Variants in SLCO5A1 observed in about 807,000 individuals in gnomAD.
SLCO5A1 encodes solute carrier organic anion transporter family member 5A1, also known as organic anion transporter polypeptide-related protein 4.
A neutral mutation model predicts 65.1 loss-of-function variants in SLCO5A1; 39 were observed. The observed-to-expected ratio is 0.60, with a 90% CI of 0.46 to 0.78. The LOEUF (loss-of-function observed/expected upper bound fraction) is 0.78, where lower values mean the gene tolerates loss of function less well. Ranked by LOEUF, SLCO5A1 falls within the 30% of genes least tolerant of loss-of-function variation. The pLI, the probability that SLCO5A1 is intolerant of heterozygous loss-of-function variation, is 0.00. For synonymous variants in SLCO5A1, 438 were observed against 415.7 expected (o/e 1.05, Z -0.65); for missense variants, 1,029 against 1,069.4 (o/e 0.96, Z 0.53).
rs2130784368 is a variant in SLCO5A1, at chr8:69,676,468, AG to A, written c.2089+140del. 4 of 553,662 alleles carry A rather than the reference AG, an allele frequency of 7.2e-6. No individual in the cohort carries two copies. The East Asian group carries it at 1.3e-4, about 18-fold the overall frequency. The allele number at this position is 553,662 out of a possible 1,614,324, so 34.3% of individuals were successfully genotyped here. On this transcript the variant is annotated intron_variant, in intron 9 of 9. Coordinates refer to ENST00000260126, the MANE Select transcript of SLCO5A1 (RefSeq NM_030958.3). The stretch of plus-strand genomic sequence containing the variant: ...AGCTTCTAGTTCAAATCAGAAAACA[AG>A]GAAGTTGTACCCTCACCACTAGCCT...
chr8:69,780,155 A>ATGTTGGCAAG (rs1818732796), intron 2 of SLCO5A1, among the ~76,000 whole-genome samples: 1 of 152,220 alleles, frequency 6.6e-6, no homozygotes, highest in Non-Finnish European at 1.5e-5. Flanking sequence ...AAAATAACAG[A>ATGTTGGCAAG]TGTTGGCAAG....
chr8:69,788,419 T>C (rs1819129375), intron 2 of SLCO5A1, among the ~76,000 whole-genome samples: 1 of 152,218 alleles, frequency 6.6e-6, no homozygotes, highest in Non-Finnish European at 1.5e-5. Context: ...ACAGTCTCCA[T>C]ATGCAGCTCA....
At chr8:69,792,337 G>C (rs1190328787) in intron 2 of SLCO5A1, among the ~76,000 whole-genome samples, 1 of 152,144 alleles carries the variant, frequency 6.6e-6, no homozygotes, top group Admixed American at 6.5e-5. Context: ...AAGGGGGCAG[G>C]AGGGCAAAAG....
At chr8:69,815,205 C>T (rs1820354898) in intron 2 of SLCO5A1, among the ~76,000 whole-genome samples, 1 of 152,098 alleles carries the variant, frequency 6.6e-6, no homozygotes, top group Admixed American at 6.5e-5. Context: ...TGTTCATTAG[C>T]CTGAGTTAAT....
At chr8:69,805,371 G>A (rs1287885349) in intron 2 of SLCO5A1, among the ~76,000 whole-genome samples, 4 of 152,076 alleles carry the variant, frequency 2.6e-5, no homozygotes, top group Non-Finnish European at 5.9e-5. Context: ...AAGCAGCTTC[G>A]GTTCCTTTTC....
chr8:69,705,069 G>A lies in SLCO5A1; in HGVS notation c.1584C>T (p.Ser528=). ...FSTLFIVGCE[S]INLGGINIPY... is the part of the protein sequence containing the mutation. Reference sequence around the variant, plus strand: ...GGATGTTTATGCCCCCTAGATTAATGCTTTCACATCCAACAATAAATAGGG... The same window carrying A: ...GGATGTTTATGCCCCCTAGATTAATACTTTCACATCCAACAATAAATAGGG... Residue 528 remains serine, a synonymous_variant, in exon 6 of 10, where the codon AGC becomes AGT. Coordinates refer to ENST00000260126, the MANE Select transcript of SLCO5A1 (RefSeq NM_030958.3). 1 of 1,613,730 alleles carries A rather than the reference G, an allele frequency of 6.2e-7. No homozygotes were observed. The highest frequency in any genetic ancestry group is 8.5e-7 in the Non-Finnish European group (1 of 1,180,026).
chr8:69,729,667 G>A (rs532019431), intron 5 of SLCO5A1, among the ~76,000 whole-genome samples: 3 of 152,186 alleles, frequency 2.0e-5, no homozygotes, highest in South Asian at 2.1e-4. Flanking sequence ...GTCATTTGGC[G>A]AACTGATTTG....
chr8:69,814,978 G>A (rs1820343371), intron 2 of SLCO5A1, among the ~76,000 whole-genome samples: 4 of 152,258 alleles, frequency 2.6e-5, no homozygotes, highest in East Asian at 1.9e-4. Flanking sequence ...ACTCATAGAA[G>A]CAGAGAGTAG....
chr8:69,735,362 G>C (rs553589380), intron 5 of SLCO5A1, among the ~76,000 whole-genome samples: 1 of 152,086 alleles, frequency 6.6e-6, no homozygotes. Flanking sequence ...TATAAAATGC[G>C]TGCACACGTA....
intron 6 of SLCO5A1, among the ~76,000 whole-genome samples, chr8:69,686,568 C>A (rs1036525487): frequency 4.6e-5 from 7 of 152,178 alleles, no homozygotes; most frequent in African/African-American, 1.4e-4. Flanking sequence ...TGAGAATTGT[C>A]ATTATTATTG....
chr8:69,800,751 G>T (rs1270253137), intron 2 of SLCO5A1, among the ~76,000 whole-genome samples: 2 of 152,152 alleles, frequency 1.3e-5, no homozygotes, highest in East Asian at 1.9e-4. Context: ...TGGGATATCT[G>T]CTCCATGACT....
chr8:69,740,919 C>T (rs1816765313), intron 4 of SLCO5A1, among the ~76,000 whole-genome samples: 1 of 152,106 alleles, frequency 6.6e-6, no homozygotes, highest in African/African-American at 2.4e-5. Context: ...TCCATATTTC[C>T]AAAGACATCT....
At chr8:69,767,219 T>C (rs983475957) in intron 2 of SLCO5A1, among the ~76,000 whole-genome samples, 1 of 152,098 alleles carries the variant, frequency 6.6e-6, no homozygotes, top group Non-Finnish European at 1.5e-5. Flanking sequence ...GGCAATGGAG[T>C]GCCCACTCCC....
At chr8:69,736,177 C>G (rs1816544652) in intron 5 of SLCO5A1, among the ~76,000 whole-genome samples, 1 of 152,230 alleles carries the variant, frequency 6.6e-6, no homozygotes, top group Non-Finnish European at 1.5e-5. Flanking sequence ...TAGCCTTATT[C>G]AATCCTGCAC....
At chr8:69,691,550 T>C (rs907859172) in intron 6 of SLCO5A1, among the ~76,000 whole-genome samples, 12 of 152,228 alleles carry the variant, frequency 7.9e-5, no homozygotes, top group Admixed American at 7.9e-4. Context: ...TTTGAGTCTA[T>C]GAACTTGACT....
chr8:69,772,142 G>A (rs377246654), intron 2 of SLCO5A1, among the ~76,000 whole-genome samples: 5 of 152,138 alleles, frequency 3.3e-5, no homozygotes, highest in Non-Finnish European at 5.9e-5. Context: ...CTCAAACAGC[G>A]TTGTTCCATG....
In SLCO5A1 at chr8:69,679,508, C is replaced by G. The variant is rs768885466; in HGVS notation, c.1894G>C (p.Glu632Gln). 1.9e-6 allele frequency: 3 copies of G among 1,614,204 alleles called. No homozygotes were observed. Among genetic ancestry groups the G allele is most frequent in the Non-Finnish European group, 2.5e-6 (3 of 1,180,036 alleles). The change falls in exon 8 of 10, where the codon GAG becomes CAG. Residue 632 changes from glutamate to glutamine, a missense_variant. Coordinates refer to ENST00000260126, the MANE Select transcript of SLCO5A1 (RefSeq NM_030958.3). ...TTCCCAGACACAGCATAGCCGTTCT[C>G]ATTGAGATAAGTCTTGACAATAACC... ...RVVIVKTYLNENGYAVSGKCK... is the reference protein window; with the variant it reads ...RVVIVKTYLNQNGYAVSGKCK...
At chr8:69,811,147 C>G (rs907876942) in intron 2 of SLCO5A1, among the ~76,000 whole-genome samples, 1 of 152,152 alleles carries the variant, frequency 6.6e-6, no homozygotes, top group Non-Finnish European at 1.5e-5. Flanking sequence ...TGGAGTTACT[C>G]CCATACACAA....
At chr8:69,706,406 G>C (rs1213764449) in intron 5 of SLCO5A1, among the ~76,000 whole-genome samples, 1 of 152,228 alleles carries the variant, frequency 6.6e-6, no homozygotes, top group African/African-American at 2.4e-5. Flanking sequence ...AATAGTTACT[G>C]CTGTGGTCTG....
Sources: gnomAD v4.1 joint callset for allele counts (sites outside exome capture counted in the v4.1 genomes callset) on GRCh38, gnomAD v4.1.1 for gene constraint, MANE v1.5 for transcripts, NCBI Gene and HGNC (gene_info 2026-07-23, HGNC 2026-07-21) for gene names.